Variants in FER observed in about 807,000 individuals in gnomAD.
FER encodes tyrosine-protein kinase Fer.
Under a neutral mutation model 111.0 loss-of-function variants are expected in FER, and 63 were observed. That is an observed-to-expected ratio of 0.57 (90% confidence interval 0.46 to 0.70). The LOEUF is 0.70. FER is among the 30% of genes least tolerant of loss of function. FER has a pLI of 0.00. For synonymous variants in FER, 327 were observed against 313.9 expected (o/e 1.04, Z -0.44); for missense variants, 914 against 954.0 (o/e 0.96, Z 0.55).
chr5:109,002,229 A>G (rs908391021), intron 13 of FER, among the ~76,000 whole-genome samples: 1 of 151,986 alleles, frequency 6.6e-6, no homozygotes, highest in African/African-American at 2.4e-5. Flanking sequence ...ACTATACTAC[A>G]AGGCTACAGT....
chr5:109,027,278 G>A (rs1042459104), intron 13 of FER, among the ~76,000 whole-genome samples: 7 of 152,028 alleles, frequency 4.6e-5, no homozygotes, highest in Admixed American at 4.6e-4. Flanking sequence ...GGAATAGATT[G>A]TATTACTGTA....
At chr5:108,853,163 CACA>C (rs1289018286) in intron 5 of FER, among the ~76,000 whole-genome samples, 1 of 152,062 alleles carries the variant, frequency 6.6e-6, no homozygotes, top group African/African-American at 2.4e-5. Context: ...ATCTGAACAG[CACA>C]AGGTAAAATT....
chr5:109,020,606 A>G (rs1001610183), intron 13 of FER, among the ~76,000 whole-genome samples: 3 of 152,038 alleles, frequency 2.0e-5, no homozygotes, highest in Non-Finnish European at 4.4e-5. Context: ...TTCCCTAATT[A>G]GAGAAATTGA....
intron 1 of FER, among the ~76,000 whole-genome samples, chr5:108,767,192 T>C (rs906544609): frequency 1.3e-5 from 2 of 152,032 alleles, no homozygotes; most frequent in East Asian, 3.9e-4. Context: ...TAATCCCAGA[T>C]ACTCAGGAGC....
At chr5:108,805,143 G>A (rs1207376500) in intron 3 of FER, among the ~76,000 whole-genome samples, 1 of 152,040 alleles carries the variant, frequency 6.6e-6, no homozygotes, top group Non-Finnish European at 1.5e-5. Context: ...ACTGAATTAT[G>A]GGAGTGGGTC....
At chr5:109,070,254 G>C (rs564896950) in intron 16 of FER, among the ~76,000 whole-genome samples, 1 of 151,652 alleles carries the variant, frequency 6.6e-6, no homozygotes, top group Non-Finnish European at 1.5e-5. Flanking sequence ...TGTTTCACTT[G>C]GTCATATAAA....
At chr5:108,760,053 C>G (rs559944913) in intron 1 of FER, among the ~76,000 whole-genome samples, 4 of 152,134 alleles carry the variant, frequency 2.6e-5, no homozygotes, top group African/African-American at 7.2e-5. Flanking sequence ...ATGGATGTTG[C>G]GTTAGCAGTC....
chr5:108,816,364 A>C (rs1758282530), intron 3 of FER, among the ~76,000 whole-genome samples: 1 of 152,108 alleles, frequency 6.6e-6, no homozygotes, highest in African/African-American at 2.4e-5. Context: ...TGGCATTTCA[A>C]CTTTCTGTCA....
intron 3 of FER, among the ~76,000 whole-genome samples, chr5:108,822,859 G>A (rs561084566): frequency 9.3e-5 from 14 of 150,760 alleles, no homozygotes; most frequent in East Asian, 1.9e-4. Context: ...GCGCCATCTC[G>A]GCTCACTGCA....
At chr5:109,043,275 T>G (rs1226707117) in intron 14 of FER, among the ~76,000 whole-genome samples, 2 of 152,204 alleles carry the variant, frequency 1.3e-5, no homozygotes, top group South Asian at 4.1e-4. Context: ...ATATCTTCTC[T>G]CAGCTCTACC....
At chr5:109,024,786 T>A (rs558446650) in intron 13 of FER, among the ~76,000 whole-genome samples, 1 of 152,266 alleles carries the variant, frequency 6.6e-6, no homozygotes, top group Admixed American at 6.5e-5. Context: ...CATCTTGAAT[T>A]GATTTTTGTA....
chr5:109,064,350 T>C (rs887043403), intron 16 of FER, among the ~76,000 whole-genome samples: 4 of 152,194 alleles, frequency 2.6e-5, no homozygotes, highest in African/African-American at 9.6e-5. Flanking sequence ...ATTCTAGTAG[T>C]GTATATTCTT....
chr5:109,125,045 C>CAAAAA lies in FER; in HGVS notation c.2048+24541_2048+24545dup, dbSNP rs373849561. 3.1e-3 allele frequency among the ~76,000 whole-genome samples: 232 copies of CAAAAA among 75,512 alleles called. 3 individuals are homozygous for CAAAAA. The highest frequency in any genetic ancestry group is 6.8e-3 in the South Asian group (13 of 1,910). 49.5% of individuals were successfully genotyped at this position (75,512 alleles called of 152,430 possible). A position where few individuals can be genotyped will look rare whatever the true frequency, so the allele number is the denominator to read the frequency against. ...TGGGCGACAGAGTGAGACTCTGTCT[C>CAAAAA]AAAAAAAAAAAAAAAAAAAGAAGAA... On this transcript the variant is annotated intron_variant, in intron 17 of 19. Transcript: ENST00000281092.
chr5:109,025,721 A>G (rs568817940), intron 13 of FER, among the ~76,000 whole-genome samples: 70 of 151,832 alleles, frequency 4.6e-4, no homozygotes, highest in African/African-American at 1.5e-3. Flanking sequence ...GAATGCTTCT[A>G]GTTTTTGCCC....
rs143145256 is a variant in FER at position 109,083,634 on chromosome 5, A to G, written c.1925-16762A>G. Among the ~76,000 whole-genome samples, 458 of 152,190 alleles carry G rather than the reference A, an allele frequency of 3.0e-3. 1 individual carries two copies. The highest frequency in any genetic ancestry group is 0.01 in the African/African-American group (432 of 41,540). ...GTGAAGAGATACTTTTCCACAGATC[A>G]CTTGCATGTCTGCACATCTTACTGG... is the stretch of plus-strand genomic sequence containing the variant. On this transcript the variant is annotated intron_variant, in intron 16 of 19. Transcript: ENST00000281092.
intron 16 of FER, among the ~76,000 whole-genome samples, chr5:109,072,810 G>C (rs1775922647): frequency 6.6e-6 from 1 of 152,000 alleles, no homozygotes; most frequent in Non-Finnish European, 1.5e-5. Context: ...TCAAAATCAA[G>C]GTGTCACCAG....
chr5:109,002,269 G>A lies in FER; in HGVS notation c.1657-35153G>A, dbSNP rs1348773950. 1.1e-4 allele frequency among the ~76,000 whole-genome samples: 17 copies of A among 151,940 alleles called. No homozygotes were observed. The East Asian group carries it at 1.3e-3, about 12-fold the overall frequency. On this transcript the variant is annotated intron_variant, in intron 13 of 19. Transcript: ENST00000281092. ...AAAACAGCATGGGACTGGTACCAAAGCGGAGATATAGACCAATGGAACAGA... is the reference window on the plus strand; with the variant it reads ...AAAACAGCATGGGACTGGTACCAAAACGGAGATATAGACCAATGGAACAGA...
chr5:108,787,755 G>C (rs1309062933), intron 2 of FER, among the ~76,000 whole-genome samples: 2 of 152,220 alleles, frequency 1.3e-5, no homozygotes, highest in African/African-American at 4.8e-5. Context: ...CCTGCCTGTG[G>C]AAAGGAGCTG....
intron 10 of FER, among the ~76,000 whole-genome samples, chr5:108,904,930 T>C (rs781703588): frequency 1.6e-4 from 25 of 152,156 alleles, no homozygotes; most frequent in Non-Finnish European, 2.9e-4. Context: ...TAAATTCTTC[T>C]ATGGCTCTGA....
Sources: allele counts gnomAD v4.1 joint callset (sites outside exome capture counted in the v4.1 genomes callset), GRCh38; gene constraint gnomAD v4.1.1; transcripts MANE v1.5; gene names NCBI Gene and HGNC (gene_info 2026-07-23, HGNC 2026-07-21).